Variants in TRHDE observed in about 807,000 individuals in gnomAD.
TRHDE encodes thyrotropin releasing hormone degrading enzyme.
In TRHDE, 72 loss-of-function variants were observed where a neutral mutation model predicts 125.7. That is an observed-to-expected ratio of 0.57 (90% CI 0.47 to 0.70). TRHDE has a LOEUF of 0.70. Among genes scored for constraint, TRHDE ranks in the 30% least tolerant of loss-of-function variants. The pLI, the probability that TRHDE is intolerant of heterozygous loss-of-function variation, is 0.00. For missense variants in TRHDE, 1,110 were observed against 1,327.1 expected (o/e 0.84, Z 2.54); for synonymous variants, 509 against 509.1 (o/e 1.00, Z 0.00).
At chr12:72,258,426 T>C (rs1357861929) in intron 2 of TRHDE, among the ~76,000 whole-genome samples, 2 of 152,164 alleles carry the variant, frequency 1.3e-5, no homozygotes, top group Non-Finnish European at 2.9e-5. Flanking sequence ...TCTTTTCCAT[T>C]TTATTGATGC....
chr12:72,575,425 G>T, intron 11 of TRHDE, 37 bp downstream of exon 11: 1 of 1,613,252 alleles, frequency 6.2e-7, no homozygotes, highest in Non-Finnish European at 8.5e-7. Context: ...ATAATTTTTG[G>T]TATGTGAACA....
At chr12:72,235,637 T>C (rs1025591757) in intron 2 of TRHDE, among the ~76,000 whole-genome samples, 3 of 152,174 alleles carry the variant, frequency 2.0e-5, no homozygotes, top group East Asian at 3.8e-4. Context: ...CTGTTTCCAA[T>C]AGTGGTTCAG....
At chr12:72,594,143 G>C (rs561692649) in intron 12 of TRHDE, among the ~76,000 whole-genome samples, 2 of 152,204 alleles carry the variant, frequency 1.3e-5, no homozygotes, top group South Asian at 4.1e-4. Flanking sequence ...CAGTGTAAAA[G>C]CATTCCTATT....
At chr12:72,468,247 C>G (rs1876477568) in intron 3 of TRHDE, among the ~76,000 whole-genome samples, 1 of 152,194 alleles carries the variant, frequency 6.6e-6, no homozygotes, top group Non-Finnish European at 1.5e-5. Context: ...ATTATAGGGT[C>G]ATTTTGCTCT....
intron 2 of TRHDE, among the ~76,000 whole-genome samples, chr12:72,187,506 T>TGGAGGAGGAGGAGGAGGA (rs948900502): frequency 7.6e-6 from 1 of 132,296 alleles, no homozygotes; most frequent in Admixed American, 7.4e-5. Flanking sequence ...GTGGTGGTGG[T>TGGAGGAGGAGGAGGAGGA]GGAGGAGGAG....
chr12:72,365,429 T>A (rs996766103), intron 2 of TRHDE, among the ~76,000 whole-genome samples: 1 of 152,108 alleles, frequency 6.6e-6, no homozygotes, highest in Non-Finnish European at 1.5e-5. Flanking sequence ...GGAGTCTGAA[T>A]TTCAAACAAT....
intron 12 of TRHDE, among the ~76,000 whole-genome samples, chr12:72,585,531 C>T (rs565622983): frequency 3.3e-5 from 5 of 152,320 alleles, no homozygotes; most frequent in East Asian, 1.9e-4. Context: ...TCCTAGGCTG[C>T]GCCAAACCAT....
chr12:72,343,443 C>T (rs1037499865), intron 2 of TRHDE, among the ~76,000 whole-genome samples: 12 of 152,030 alleles, frequency 7.9e-5, no homozygotes, highest in East Asian at 5.8e-4. Flanking sequence ...AGTTCAAACA[C>T]CTGTTCAAGG....
intron 2 of TRHDE, among the ~76,000 whole-genome samples, chr12:72,234,408 G>A (rs887027237): frequency 4.6e-5 from 7 of 152,098 alleles, no homozygotes; most frequent in Admixed American, 1.3e-4. Flanking sequence ...TTATTTTCAT[G>A]TAAAAGATGC....
intron 15 of TRHDE, among the ~76,000 whole-genome samples, chr12:72,649,298 AG>A (rs1412112835): frequency 1.3e-5 from 2 of 152,062 alleles, no homozygotes; most frequent in African/African-American, 2.4e-5. Flanking sequence ...AAAAAAAAAA[AG>A]ATAGTGTTTT....
At chr12:72,574,830 T>G (rs1870914829) in intron 10 of TRHDE, among the ~76,000 whole-genome samples, 1 of 152,102 alleles carries the variant, frequency 6.6e-6, no homozygotes, top group African/African-American at 2.4e-5. Flanking sequence ...TTCAAGTAAA[T>G]GAGCTCTATT....
chr12:72,456,309 C>T (rs990643987), intron 3 of TRHDE, among the ~76,000 whole-genome samples: 23 of 151,946 alleles, frequency 1.5e-4, no homozygotes, highest in African/African-American at 5.6e-4. Context: ...CCATCCAGGA[C>T]TGGAATATTC....
At position 72,617,973 on chromosome 12, in the gene TRHDE, A is replaced by T. The variant is rs537110151; in HGVS notation, c.2322-918A>T. Among the ~76,000 whole-genome samples, 3 of 152,332 alleles carry T rather than the reference A, an allele frequency of 2.0e-5. No individual in the cohort carries two copies. The East Asian group carries it at 5.8e-4, about 29-fold the overall frequency. Reference sequence around the variant, plus strand: ...TTAGTGAGATATCAACATTCAAACCATAGCAAATATCAATGCTGAAAAATT... The same window carrying T: ...TTAGTGAGATATCAACATTCAAACCTTAGCAAATATCAATGCTGAAAAATT... On this transcript the variant is annotated intron_variant, in intron 12 of 18. Coordinates refer to ENST00000261180, the MANE Select transcript of TRHDE (RefSeq NM_013381.3).
At chr12:72,150,747 C>A (rs1267307850) in intron 2 of TRHDE, among the ~76,000 whole-genome samples, 1 of 152,002 alleles carries the variant, frequency 6.6e-6, no homozygotes, top group Non-Finnish European at 1.5e-5. Flanking sequence ...TTTATGGCTG[C>A]ATAGTATTCC....
intron 2 of TRHDE, among the ~76,000 whole-genome samples, chr12:72,136,589 T>A (rs777308107): frequency 6.6e-6 from 1 of 152,210 alleles, no homozygotes; most frequent in Non-Finnish European, 1.5e-5. Flanking sequence ...TAGTTTGGGA[T>A]TGGATAAAAC....
rs1008949346 is a variant in TRHDE at position 72,528,728 on chromosome 12, C to T, written c.1723-13563C>T. On this transcript the variant is annotated intron_variant, in intron 6 of 18. Transcript: ENST00000261180. ...GGTCTCGAACTCCTGATCTCGTGAC[C>T]CCCCGCCTCTGCCTCCCAAAGTGCT... Among the ~76,000 whole-genome samples the T allele has an allele frequency of 5.9e-4, 90 of 151,986 alleles. 1 individual carries two copies. Among genetic ancestry groups the T allele is most frequent in the African/African-American group, 1.9e-3 (78 of 41,476 alleles).
intron 15 of TRHDE, among the ~76,000 whole-genome samples, chr12:72,622,266 T>C (rs1186007859): frequency 1.3e-5 from 2 of 152,132 alleles, no homozygotes; most frequent in East Asian, 3.9e-4. Context: ...TTTTGCAATA[T>C]AGTATTTTAA....
chr12:72,479,904 C>T (rs887648835), intron 5 of TRHDE, among the ~76,000 whole-genome samples: 4 of 148,582 alleles, frequency 2.7e-5, no homozygotes, highest in Admixed American at 7.0e-5. Context: ...TAAGTGAGAA[C>T]ATGCGGTGTT....
At chr12:72,357,623 G>A (rs953330726) in intron 2 of TRHDE, among the ~76,000 whole-genome samples, 1 of 151,430 alleles carries the variant, frequency 6.6e-6, no homozygotes, top group Admixed American at 6.6e-5. Context: ...TGGACACCTA[G>A]GTTGTTTCCA....
Sources: allele counts gnomAD v4.1 joint callset (sites outside exome capture counted in the v4.1 genomes callset), GRCh38; gene constraint gnomAD v4.1.1; transcripts MANE v1.5; gene names NCBI Gene and HGNC (gene_info 2026-07-23, HGNC 2026-07-21).